MGAT4C: variants seen among roughly 807,000 people sequenced by gnomAD.
MGAT4C encodes the protein MGAT4 family member C.
A neutral mutation model predicts 40.1 loss-of-function variants in MGAT4C; 19 were observed. The ratio of observed to expected loss-of-function variants is 0.47; its 90% confidence interval spans 0.33 to 0.70. The LOEUF (loss-of-function observed/expected upper bound fraction) is 0.70. Among genes scored for constraint, MGAT4C ranks in the 30% least tolerant of loss-of-function variants. MGAT4C has a pLI of 0.02. For synonymous variants in MGAT4C, 181 were observed against 187.1 expected (o/e 0.97, Z 0.27); for missense variants, 491 against 563.2 (o/e 0.87, Z 1.30).
chr12:86,103,014 C>T lies in MGAT4C; in HGVS notation c.-56-53291G>A, dbSNP rs183502432. On this transcript the variant is annotated intron_variant, in intron 1 of 4. Transcript: ENST00000611864. ...AAAAAGAAATACATTCCTAATATTA[C>T]GTATTTTTATTTTAAGAAGAAGAGC... is the stretch of plus-strand genomic sequence containing the variant. Among the ~76,000 whole-genome samples, 9 of 152,060 alleles carry T rather than the reference C, an allele frequency of 5.9e-5. No individual in the cohort carries two copies. In the East Asian group the frequency reaches 7.7e-4, roughly 13 times the overall value.
At chr12:86,529,123 C>T (rs1958934991) in intron 2 of MGAT4C, among the ~76,000 whole-genome samples, 2 of 152,168 alleles carry the variant, frequency 1.3e-5, no homozygotes, top group South Asian at 2.1e-4. Context: ...GGTATTCTAG[C>T]CTTGGTCATG....
chr12:86,211,875 C>A (rs1192260791), intron 1 of MGAT4C, among the ~76,000 whole-genome samples: 1 of 151,686 alleles, frequency 6.6e-6, no homozygotes, highest in Non-Finnish European at 1.5e-5. Context: ...CTGCCATTTT[C>A]TTTGTCTACC....
chr12:86,205,543 C>A (rs975616982), intron 1 of MGAT4C, among the ~76,000 whole-genome samples: 7 of 151,276 alleles, frequency 4.6e-5, no homozygotes, highest in Non-Finnish European at 1.0e-4. Context: ...TTATTGTAAC[C>A]AGAAATTAGA....
intron 1 of MGAT4C, among the ~76,000 whole-genome samples, chr12:86,824,324 C>A (rs188938343): frequency 6.6e-6 from 1 of 151,482 alleles, no homozygotes; most frequent in East Asian, 2.0e-4. Flanking sequence ...TCAAAGTTAT[C>A]TACTTTATAA....
intron 4 of MGAT4C, among the ~76,000 whole-genome samples, chr12:86,328,721 A>G (rs918374763): frequency 2.6e-5 from 4 of 152,158 alleles, no homozygotes; most frequent in Non-Finnish European, 5.9e-5. Context: ...ATGTTTCTTT[A>G]GATCTTAATT....
At chr12:86,765,301 A>T (rs1324642532) in intron 1 of MGAT4C, among the ~76,000 whole-genome samples, 1 of 152,194 alleles carries the variant, frequency 6.6e-6, no homozygotes, top group Non-Finnish European at 1.5e-5. Context: ...TGAAGCAAGA[A>T]GGGAAGTGTA....
intron 1 of MGAT4C, among the ~76,000 whole-genome samples, chr12:86,831,202 AAT>A (rs1952921060): frequency 6.6e-6 from 1 of 151,724 alleles, no homozygotes; most frequent in African/African-American, 2.4e-5. Flanking sequence ...ATTTTCCTTG[AAT>A]ATTCCCAACC....
intron 4 of MGAT4C, among the ~76,000 whole-genome samples, chr12:86,275,379 C>A (rs758583276): frequency 6.6e-6 from 1 of 151,958 alleles, no homozygotes; most frequent in Non-Finnish European, 1.5e-5. Context: ...TGAATAGAGC[C>A]GTATCATAAG....
At chr12:86,131,303 T>C (rs1206434466) in intron 1 of MGAT4C, among the ~76,000 whole-genome samples, 1 of 152,116 alleles carries the variant, frequency 6.6e-6, no homozygotes, top group Non-Finnish European at 1.5e-5. Context: ...TAAATACTAA[T>C]TCATTTCTGA....
intron 2 of MGAT4C, among the ~76,000 whole-genome samples, chr12:86,574,244 G>C (rs1302702266): frequency 6.6e-6 from 1 of 151,636 alleles, no homozygotes; most frequent in Non-Finnish European, 1.5e-5. Flanking sequence ...CTATCAAAGA[G>C]CCTTCAGTTC....
chr12:86,039,598 G>A (rs778206606), intron 2 of MGAT4C, among the ~76,000 whole-genome samples: 1 of 152,052 alleles, frequency 6.6e-6, no homozygotes, highest in African/African-American at 2.4e-5. Flanking sequence ...TCCCTAAACT[G>A]GTTATTCTAG....
chr12:86,030,055 T>C (rs1354194774), intron 2 of MGAT4C, among the ~76,000 whole-genome samples: 4 of 151,822 alleles, frequency 2.6e-5, no homozygotes, highest in African/African-American at 9.6e-5. Flanking sequence ...GTTGGGAATA[T>C]CGTATTTCAT....
intron 1 of MGAT4C, among the ~76,000 whole-genome samples, chr12:86,069,550 T>C (rs1894872286): frequency 6.6e-6 from 1 of 152,190 alleles, no homozygotes; most frequent in African/African-American, 2.4e-5. Flanking sequence ...CTATGGCAGA[T>C]TGGGTAAGAA....
At chr12:86,632,953 T>C (rs1216273761) in intron 2 of MGAT4C, among the ~76,000 whole-genome samples, 1 of 152,038 alleles carries the variant, frequency 6.6e-6, no homozygotes, top group African/African-American at 2.4e-5. Flanking sequence ...TGGGATTTAA[T>C]GTCAAAGGTA....
chr12:86,594,732 C>G (rs1363906571), intron 2 of MGAT4C, among the ~76,000 whole-genome samples: 1 of 152,118 alleles, frequency 6.6e-6, no homozygotes, highest in Non-Finnish European at 1.5e-5. Context: ...TCAGAGAACT[C>G]CAGCTAACTA....
intron 3 of MGAT4C, among the ~76,000 whole-genome samples, chr12:86,347,470 T>C (rs984992965): frequency 6.6e-6 from 1 of 152,206 alleles, no homozygotes; most frequent in African/African-American, 2.4e-5. Flanking sequence ...TTCAGTTCTA[T>C]GCTTAATTAG....
At chr12:86,251,199 G>A (rs764435096) in intron 1 of MGAT4C, among the ~76,000 whole-genome samples, 13 of 149,008 alleles carry the variant, frequency 8.7e-5, no homozygotes, top group Non-Finnish European at 1.8e-4. Context: ...ATTGTATTCC[G>A]GTAGTCTGGT....
intron 2 of MGAT4C, among the ~76,000 whole-genome samples, chr12:86,598,478 T>A (rs1000341905): frequency 1.3e-5 from 2 of 152,142 alleles, no homozygotes; most frequent in African/African-American, 4.8e-5. Context: ...ATAAATTTAC[T>A]GTGAGCTGTG....
intron 2 of MGAT4C, among the ~76,000 whole-genome samples, chr12:86,508,339 G>A (rs1438816066): frequency 6.6e-6 from 1 of 152,026 alleles, no homozygotes; most frequent in Admixed American, 6.6e-5. Context: ...ATAGTTTACT[G>A]AGAATGATGA....
Sources: gnomAD v4.1 joint callset for allele counts (sites outside exome capture counted in the v4.1 genomes callset) on GRCh38, gnomAD v4.1.1 for gene constraint, MANE v1.5 for transcripts, NCBI Gene and HGNC (gene_info 2026-07-23, HGNC 2026-07-21) for gene names.